Variants in SAMD12 observed in about 807,000 individuals in gnomAD.
SAMD12 encodes the protein sterile alpha motif domain-containing protein 12.
A neutral mutation model predicts 15.0 loss-of-function variants in SAMD12; 9 were observed. The ratio of observed to expected loss-of-function variants is 0.60; its 90% CI spans 0.36 to 1.05. The LOEUF is 1.05. Among genes scored for constraint, SAMD12 ranks in the 50% least tolerant of loss-of-function variants. The pLI is 0.01. For synonymous variants in SAMD12, 86 were observed against 90.1 expected (o/e 0.96, Z 0.25); for missense variants, 230 against 234.2 (o/e 0.98, Z 0.12).
At chr8:118,227,846 A>T (rs548803042) in intron 4 of SAMD12, among the ~76,000 whole-genome samples, 4 of 152,310 alleles carry the variant, frequency 2.6e-5, no homozygotes, top group South Asian at 2.1e-4. Flanking sequence ...AAGCAAAAAT[A>T]ACAAATCTGG....
the SAMD12 span, among the ~76,000 whole-genome samples, chr8:118,177,195 T>A: frequency 6.6e-6 from 1 of 151,578 alleles, no homozygotes; most frequent in Non-Finnish European, 1.5e-5. Flanking sequence ...TGCTCATGAG[T>A]TGAGTTGAAT....
the SAMD12 span, among the ~76,000 whole-genome samples, chr8:118,170,808 TAAAAG>T: frequency 6.6e-6 from 1 of 151,734 alleles, no homozygotes; most frequent in Non-Finnish European, 1.5e-5. Flanking sequence ...GTACAAGTGA[TAAAAG>T]AAAAAAAATA....
intron 3 of SAMD12, among the ~76,000 whole-genome samples, chr8:118,423,268 C>G (rs762867756): frequency 7.9e-5 from 12 of 152,142 alleles, no homozygotes; most frequent in Non-Finnish European, 1.5e-4. Context: ...ATTTTCACCT[C>G]CTTTATTCTT....
intron 1 of SAMD12, among the ~76,000 whole-genome samples, chr8:118,612,682 C>T (rs1828137823): frequency 6.6e-6 from 1 of 152,230 alleles, no homozygotes; most frequent in African/African-American, 2.4e-5. Context: ...GTAAAACATA[C>T]TCACTATATG....
chr8:118,457,362 C>T (rs1199484310), intron 2 of SAMD12, among the ~76,000 whole-genome samples: 1 of 151,664 alleles, frequency 6.6e-6, no homozygotes, highest in Non-Finnish European at 1.5e-5. Flanking sequence ...TCCTGAACAG[C>T]TAGGGCTATA....
intron 4 of SAMD12, among the ~76,000 whole-genome samples, chr8:118,231,137 T>A (rs1020918504): frequency 6.6e-6 from 1 of 152,104 alleles, no homozygotes. Flanking sequence ...TGAAATAACA[T>A]AAATGCACCC....
chr8:118,267,508 T>C (rs919025002), intron 4 of SAMD12, among the ~76,000 whole-genome samples: 1 of 152,056 alleles, frequency 6.6e-6, no homozygotes, highest in Non-Finnish European at 1.5e-5. Flanking sequence ...ATCACCTCAA[T>C]AGCATGTGGA....
At chr8:118,400,890 G>A (rs1485227834) in intron 3 of SAMD12, among the ~76,000 whole-genome samples, 1 of 152,158 alleles carries the variant, frequency 6.6e-6, no homozygotes, top group South Asian at 2.1e-4. Context: ...ACTGATAAAT[G>A]TATTGCTATC....
At chr8:118,569,423 T>TA (rs1021906972) in intron 2 of SAMD12, among the ~76,000 whole-genome samples, 7 of 151,984 alleles carry the variant, frequency 4.6e-5, no homozygotes, top group Non-Finnish European at 7.4e-5. Flanking sequence ...TTCCAAAATC[T>TA]AAAAAAAATC....
At chr8:118,460,782 C>T (rs1214532831) in intron 2 of SAMD12, among the ~76,000 whole-genome samples, 3 of 152,082 alleles carry the variant, frequency 2.0e-5, no homozygotes, top group African/African-American at 7.2e-5. Flanking sequence ...AACAAGGCTG[C>T]CCACATGCAC....
At chr8:118,184,140 T>C in the SAMD12 span, among the ~76,000 whole-genome samples, 1 of 152,224 alleles carries the variant, frequency 6.6e-6, no homozygotes, top group Non-Finnish European at 1.5e-5. Flanking sequence ...ATTCTCATTA[T>C]AGCAACCTTT....
At chr8:118,574,659 G>A (rs1481626724) in intron 2 of SAMD12, among the ~76,000 whole-genome samples, 1 of 152,174 alleles carries the variant, frequency 6.6e-6, no homozygotes, top group Non-Finnish European at 1.5e-5. Context: ...TAAGTTTACT[G>A]TAGTTTCGTT....
the SAMD12 span, among the ~76,000 whole-genome samples, chr8:118,168,312 C>T: frequency 6.6e-6 from 1 of 152,074 alleles, no homozygotes; most frequent in Admixed American, 6.5e-5. Context: ...GGTACTTATT[C>T]CCCCATCTCC....
chr8:118,160,449 G>C, the SAMD12 span, among the ~76,000 whole-genome samples: 1 of 152,152 alleles, frequency 6.6e-6, no homozygotes, highest in Admixed American at 6.5e-5. Flanking sequence ...CTTATCATGA[G>C]GTTATAGTAA....
chr8:118,177,050 T>C, the SAMD12 span, among the ~76,000 whole-genome samples: 3 of 152,014 alleles, frequency 2.0e-5, no homozygotes, highest in Non-Finnish European at 4.4e-5. Flanking sequence ...GCATGGAGAA[T>C]AGTAAGGTCC....
At chr8:118,257,784 G>A (rs551260699) in intron 4 of SAMD12, among the ~76,000 whole-genome samples, 1 of 152,218 alleles carries the variant, frequency 6.6e-6, no homozygotes, top group African/African-American at 2.4e-5. Context: ...AATAGGGACT[G>A]TCAAGACCAG....
intron 4 of SAMD12, among the ~76,000 whole-genome samples, chr8:118,287,941 T>G (rs922886525): frequency 3.9e-5 from 6 of 152,166 alleles, no homozygotes; most frequent in African/African-American, 1.4e-4. Flanking sequence ...GAAAATGACA[T>G]GGAAAGCTTC....
chr8:118,548,958 G>A (rs560247861), intron 2 of SAMD12, among the ~76,000 whole-genome samples: 46 of 152,356 alleles, frequency 3.0e-4, no homozygotes, highest in African/African-American at 7.5e-4. Flanking sequence ...AGTGCAAGGC[G>A]GCAGCCAGGC....
chr8:118,540,330 A>T (rs1223070143), intron 2 of SAMD12, among the ~76,000 whole-genome samples: 2 of 152,240 alleles, frequency 1.3e-5, no homozygotes, highest in Admixed American at 6.5e-5. Context: ...TTTTTTAATT[A>T]TAATAAAGTG....
Sources: gnomAD v4.1 joint callset for allele counts (sites outside exome capture counted in the v4.1 genomes callset) on GRCh38, gnomAD v4.1.1 for gene constraint, MANE v1.5 for transcripts, NCBI Gene and HGNC (gene_info 2026-07-23, HGNC 2026-07-21) for gene names.